The following ABTB3 variants were observed in gnomAD, a reference collection of about 807,000 sequenced individuals.
ABTB3 encodes ankyrin repeat- and BTB/POZ domain-containing protein 3.
At chr12:107,434,610 C>G in the ABTB3 span, among the ~76,000 whole-genome samples, 2 of 152,294 alleles carry the variant, frequency 1.3e-5, no homozygotes, top group Admixed American at 6.5e-5. Context: ...AGCCTGTAAT[C>G]CCAGCACTTT....
At chr12:107,578,374 TTTC>T in the ABTB3 span, among the ~76,000 whole-genome samples, 45 of 143,912 alleles carry the variant, frequency 3.1e-4, no homozygotes, top group African/African-American at 1.1e-3. Context: ...AGCCTTTTTC[TTTC>T]TTCTTCTTTT....
chr12:107,499,988 C>T, the ABTB3 span, among the ~76,000 whole-genome samples: 3 of 152,186 alleles, frequency 2.0e-5, no homozygotes, highest in South Asian at 4.2e-4. Flanking sequence ...GCCTGGCTGC[C>T]AAACACTTTT....
the ABTB3 span, among the ~76,000 whole-genome samples, chr12:107,479,633 T>C: frequency 6.6e-6 from 1 of 152,242 alleles, no homozygotes; most frequent in East Asian, 1.9e-4. Context: ...AATTGGTTAT[T>C]ATCATTTCAC....
chr12:107,369,633 A>G, the ABTB3 span, among the ~76,000 whole-genome samples: 2 of 150,320 alleles, frequency 1.3e-5, no homozygotes, highest in Admixed American at 6.6e-5. Flanking sequence ...TCCTGACCTC[A>G]GACGATCCAC....
chr12:107,374,745 C>T, the ABTB3 span: 1 of 153,400 alleles, frequency 6.5e-6, no homozygotes, highest in South Asian at 2.0e-4. Flanking sequence ...CCAGCTGAAA[C>T]ATTTAGGAAC....
the ABTB3 span, among the ~76,000 whole-genome samples, chr12:107,554,344 C>G: frequency 6.8e-6 from 1 of 147,760 alleles, no homozygotes; most frequent in East Asian, 2.1e-4. Flanking sequence ...AAGAATAGTT[C>G]TAGATTTTTT....
the ABTB3 span, among the ~76,000 whole-genome samples, chr12:107,357,821 C>T: frequency 0.72 from 109,790 of 152,146 alleles, 40,310 homozygotes; most frequent in African/African-American, 0.86. Context: ...GTCTGCCCTG[C>T]GAGGCCCTAA....
chr12:107,644,173 T>A, the ABTB3 span, among the ~76,000 whole-genome samples: 1 of 152,218 alleles, frequency 6.6e-6, no homozygotes, highest in Non-Finnish European at 1.5e-5. Flanking sequence ...GAACCCAGCC[T>A]TCCTGGTAGC....
the ABTB3 span, among the ~76,000 whole-genome samples, chr12:107,469,892 TTC>T: frequency 5.7e-5 from 6 of 106,082 alleles, no homozygotes; most frequent in Non-Finnish European, 1.1e-4. Context: ...CTTTCTTTCT[TTC>T]TTTCTTTCTT....
At chr12:107,610,898 G>T in the ABTB3 span, among the ~76,000 whole-genome samples, 1 of 152,168 alleles carries the variant, frequency 6.6e-6, no homozygotes, top group African/African-American at 2.4e-5. Context: ...GAGATACCTT[G>T]TGTGGTGAAC....
At chr12:107,503,892 A>G in the ABTB3 span, among the ~76,000 whole-genome samples, 3 of 152,160 alleles carry the variant, frequency 2.0e-5, no homozygotes, top group Non-Finnish European at 2.9e-5. Flanking sequence ...GATAATAAAA[A>G]GTTGAGAAAC....
the ABTB3 span, among the ~76,000 whole-genome samples, chr12:107,420,178 C>A: frequency 6.6e-6 from 1 of 152,176 alleles, no homozygotes; most frequent in Non-Finnish European, 1.5e-5. Flanking sequence ...GTTTATACAT[C>A]CAGTGGGGGG....
chr12:107,640,294 TCCC>T, the ABTB3 span: 5 of 1,439,754 alleles, frequency 3.5e-6, no homozygotes, highest in Admixed American at 3.8e-5. Context: ...TACCTTTTTT[TCCC>T]TTTCCTATTC....
the ABTB3 span, among the ~76,000 whole-genome samples, chr12:107,504,940 C>T: frequency 1.3e-5 from 2 of 152,158 alleles, no homozygotes. Context: ...TTCTTTAACA[C>T]TTAGTAATCT....
the ABTB3 span, among the ~76,000 whole-genome samples, chr12:107,495,427 G>C: frequency 6.6e-6 from 1 of 152,212 alleles, no homozygotes; most frequent in Non-Finnish European, 1.5e-5. Flanking sequence ...AGTCCCAGCT[G>C]GAGGGAGGCC....
chr12:107,494,660 G>A, the ABTB3 span, among the ~76,000 whole-genome samples: 5 of 152,128 alleles, frequency 3.3e-5, no homozygotes, highest in Non-Finnish European at 7.4e-5. Flanking sequence ...GGGAGCTTTC[G>A]GAGCCTGGGC....
chr12:107,554,814 G>A, the ABTB3 span, among the ~76,000 whole-genome samples: 2 of 152,162 alleles, frequency 1.3e-5, no homozygotes, highest in Admixed American at 6.5e-5. Flanking sequence ...TTTTGTGCAT[G>A]TGTCTTATCT....
chr12:107,469,861 CTTT>C, the ABTB3 span, among the ~76,000 whole-genome samples: 16 of 143,726 alleles, frequency 1.1e-4, no homozygotes, highest in African/African-American at 4.3e-4. Context: ...CTCTTTCTTT[CTTT>C]CTTTTCTTTC....
chr12:107,322,855 C>G, the ABTB3 span, among the ~76,000 whole-genome samples: 5 of 152,214 alleles, frequency 3.3e-5, no homozygotes, highest in Non-Finnish European at 7.3e-5. Flanking sequence ...TCCCTGCCTT[C>G]AGGCATCCCA....
Sources: gnomAD v4.1 joint callset for allele counts (sites outside exome capture counted in the v4.1 genomes callset) on GRCh38, gnomAD v4.1.1 for gene constraint, MANE v1.5 for transcripts, NCBI Gene and HGNC (gene_info 2026-07-23, HGNC 2026-07-21) for gene names.